Variants in RORA observed in about 807,000 individuals in gnomAD.
RORA encodes the protein RAR related orphan receptor A, also known as nuclear receptor ROR-alpha.
A neutral mutation model predicts 69.5 loss-of-function variants in RORA; 7 were observed. That is an observed-to-expected ratio of 0.10 (90% CI 0.06 to 0.19). The LOEUF (loss-of-function observed/expected upper bound fraction) is 0.19. Ranked by LOEUF, RORA falls within the 10% of genes least tolerant of loss-of-function variation. The pLI is 1.00. For synonymous variants in RORA, 261 were observed against 240.8 expected (o/e 1.08, Z -0.78); for missense variants, 457 against 663.0 (o/e 0.69, Z 3.41).
At chr15:60,932,100 A>C (rs79995443) in intron 1 of RORA, among the ~76,000 whole-genome samples, 5,942 of 152,246 alleles carry the variant, frequency 0.039, 179 homozygotes, top group East Asian at 0.11. Context: ...AATAACAAGC[A>C]GTATCAATGT....
chr15:60,818,625 C>T (rs1402548330), intron 1 of RORA, among the ~76,000 whole-genome samples: 3 of 152,164 alleles, frequency 2.0e-5, no homozygotes, highest in Non-Finnish European at 4.4e-5. Flanking sequence ...AAGAGAAAGG[C>T]AGTAATTAAT....
chr15:61,141,915 AG>A (rs2079303040), intron 1 of RORA, among the ~76,000 whole-genome samples: 2 of 152,100 alleles, frequency 1.3e-5, no homozygotes, highest in South Asian at 4.2e-4. Flanking sequence ...GGAGGGGGAA[AG>A]AGAGCCTGAT....
intron 1 of RORA, among the ~76,000 whole-genome samples, chr15:60,874,340 T>G (rs2073590849): frequency 1.3e-5 from 2 of 152,330 alleles, no homozygotes; most frequent in South Asian, 4.1e-4. Context: ...CCAGGCACTG[T>G]TCTAGGTGCT....
chr15:61,137,514 C>G (rs886423264), intron 1 of RORA, among the ~76,000 whole-genome samples: 4 of 151,800 alleles, frequency 2.6e-5, no homozygotes, highest in African/African-American at 9.7e-5. Flanking sequence ...GCAGCACGTG[C>G]CCATGGCCTC....
At chr15:60,549,745 C>T (rs962048859) in intron 2 of RORA, among the ~76,000 whole-genome samples, 1 of 152,128 alleles carries the variant, frequency 6.6e-6, no homozygotes, top group African/African-American at 2.4e-5. Context: ...CTCTCCACCC[C>T]CTCCCATCTC....
At chr15:61,151,455 T>G (rs551966093) in intron 1 of RORA, among the ~76,000 whole-genome samples, 15 of 152,364 alleles carry the variant, frequency 9.8e-5, no homozygotes, top group Admixed American at 3.9e-4. Flanking sequence ...ACAAAGCTCC[T>G]AATCATTATT....
chr15:60,539,024 C>CACACAT (rs1326368915), intron 2 of RORA, among the ~76,000 whole-genome samples: 1 of 151,650 alleles, frequency 6.6e-6, no homozygotes, highest in Non-Finnish European at 1.5e-5. Context: ...CACACACACA[C>CACACAT]ACTCCTCAAA....
intron 1 of RORA, among the ~76,000 whole-genome samples, chr15:60,746,826 G>C (rs1041073606): frequency 5.3e-5 from 8 of 152,284 alleles, no homozygotes; most frequent in Non-Finnish European, 7.4e-5. Context: ...AAATAATTCA[G>C]ATTATTATTT....
At chr15:60,514,218 G>C (rs986213049) in intron 4 of RORA, among the ~76,000 whole-genome samples, 2 of 152,206 alleles carry the variant, frequency 1.3e-5, no homozygotes, top group African/African-American at 4.8e-5. Context: ...AGACTTACTA[G>C]TGTAAAGCAA....
intron 1 of RORA, among the ~76,000 whole-genome samples, chr15:60,714,028 A>C (rs1434235963): frequency 6.7e-6 from 1 of 149,814 alleles, no homozygotes; most frequent in African/African-American, 2.5e-5. Flanking sequence ...TTGAATTAGC[A>C]CCTTCTTCAT....
intron 1 of RORA, among the ~76,000 whole-genome samples, chr15:60,935,102 T>C (rs2140317779): frequency 6.6e-6 from 1 of 152,310 alleles, no homozygotes; most frequent in Non-Finnish European, 1.5e-5. Context: ...TCTGAATGAA[T>C]GAATAAAAAG....
intron 1 of RORA, among the ~76,000 whole-genome samples, chr15:60,715,289 C>G (rs1275408401): frequency 6.6e-6 from 1 of 152,196 alleles, no homozygotes; most frequent in Non-Finnish European, 1.5e-5. Context: ...GGATAAGAAT[C>G]TTAGTGGTGG....
intron 1 of RORA, among the ~76,000 whole-genome samples, chr15:60,683,418 T>C (rs942828704): frequency 6.6e-6 from 1 of 152,200 alleles, no homozygotes; most frequent in African/African-American, 2.4e-5. Context: ...CTGTCAGATC[T>C]ATTTCTCACT....
At chr15:61,059,240 G>A (rs563384653) in intron 1 of RORA, among the ~76,000 whole-genome samples, 1 of 152,292 alleles carries the variant, frequency 6.6e-6, no homozygotes, top group East Asian at 1.9e-4. Context: ...AGGCAGAGGA[G>A]GAAAAAGAGG....
chr15:61,010,745 G>C (rs1398784027), intron 1 of RORA, among the ~76,000 whole-genome samples: 1 of 152,104 alleles, frequency 6.6e-6, no homozygotes, highest in East Asian at 1.9e-4. Flanking sequence ...TTAGTTGCAA[G>C]GGGGTGCTGT....
chr15:61,112,061 A>G (rs1005356539), intron 1 of RORA, among the ~76,000 whole-genome samples: 2 of 152,202 alleles, frequency 1.3e-5, no homozygotes, highest in Non-Finnish European at 2.9e-5. Context: ...CGTAAACTCC[A>G]CACTATTCAA....
At chr15:60,934,179 C>G (rs1045985370) in intron 1 of RORA, among the ~76,000 whole-genome samples, 3 of 152,232 alleles carry the variant, frequency 2.0e-5, no homozygotes, top group African/African-American at 7.2e-5. Context: ...TTCCGTGTGA[C>G]TAGCTAACAA....
At chr15:60,675,812 T>G (rs2070544335) in intron 2 of RORA, among the ~76,000 whole-genome samples, 1 of 152,220 alleles carries the variant, frequency 6.6e-6, no homozygotes, top group South Asian at 2.1e-4. Context: ...ACCTCTGTCT[T>G]GTGTACCTGT....
intron 2 of RORA, among the ~76,000 whole-genome samples, chr15:60,579,387 CT>C (rs941323394): frequency 3.3e-5 from 5 of 152,030 alleles, no homozygotes; most frequent in Non-Finnish European, 7.4e-5. Flanking sequence ...CTGCTAAATG[CT>C]TATGTCCTTG....
Sources: allele counts gnomAD v4.1 joint callset (sites outside exome capture counted in the v4.1 genomes callset), GRCh38; gene constraint gnomAD v4.1.1; transcripts MANE v1.5; gene names NCBI Gene and HGNC (gene_info 2026-07-23, HGNC 2026-07-21).